The following ZNF70 variants were observed in gnomAD, a reference collection of about 807,000 sequenced individuals.
ZNF70 encodes the protein zinc finger protein 70.
Under a neutral mutation model 37.7 loss-of-function variants are expected in ZNF70, and 18 were observed. That is an observed-to-expected ratio of 0.48 (90% CI 0.33 to 0.71). The LOEUF (loss-of-function observed/expected upper bound fraction) is 0.71. ZNF70 is among the 30% of genes least tolerant of loss of function. The pLI, the probability that ZNF70 is intolerant of heterozygous loss-of-function variation, is 0.02. For missense variants in ZNF70, 506 were observed against 568.6 expected (o/e 0.89, Z 1.12); for synonymous variants, 219 against 220.1 (o/e 0.99, Z 0.05).
intron 1 of ZNF70, among the ~76,000 whole-genome samples, chr22:23,746,809 C>A (rs1925139783): frequency 1.3e-5 from 2 of 152,004 alleles, no homozygotes; most frequent in South Asian, 2.1e-4. Flanking sequence ...CCAGGCTGGT[C>A]CCCCCAACAC....
At chr22:23,747,224 G>A (rs995944416) in intron 1 of ZNF70, among the ~76,000 whole-genome samples, 2 of 152,222 alleles carry the variant, frequency 1.3e-5, no homozygotes, top group African/African-American at 4.8e-5. Context: ...TCTGTGGCCT[G>A]TTAGGAACCA....
At position 23,745,040 on chromosome 22, in the gene ZNF70, G is replaced by A; in HGVS notation, c.101C>T (p.Pro34Leu). The change falls in exon 2 of 2, where the codon CCT becomes CTT. Residue 34 changes from proline to leucine, a missense_variant. Transcript: ENST00000341976. ...GLFPGEDLGD[P>L]FLQERGLEQM... ...CTCCAAACCTCTTTCCTGAAGAAAA[G>A]GGTCCCCCAGGTCCTCCCCTGGGAA... The A allele has an allele frequency of 1.2e-6, 2 of 1,614,162 alleles. No individual in the cohort carries two copies. Among genetic ancestry groups the A allele is most frequent in the South Asian group, 1.1e-5 (1 of 91,076 alleles).
chr22:23,750,779 G>C lies in ZNF70; in HGVS notation c.-148C>G, dbSNP rs1228923801. Reference sequence around the variant, plus strand: ...ATCCTCCAGAGAGTCCCTAGGGCCTGGGCACCCTGCAAACTCTTAGTGCAG... The same window carrying C: ...ATCCTCCAGAGAGTCCCTAGGGCCTCGGCACCCTGCAAACTCTTAGTGCAG... On this transcript the variant is annotated 5_prime_UTR_variant, in exon 1 of 2. Coordinates refer to ENST00000341976, the MANE Select transcript of ZNF70 (RefSeq NM_021916.4). The C allele has an allele frequency of 6.6e-6, 1 of 152,366 alleles. No homozygotes were observed. The highest frequency in any genetic ancestry group is 2.4e-5 in the African/African-American group (1 of 41,482). 9.4% of individuals were successfully genotyped at this position (152,366 alleles called of 1,614,324 possible).
At position 23,740,244 on chromosome 22, in the gene ZNF70, A is replaced by G. The variant is rs1291833759; in HGVS notation, c.*3556T>C. The G allele has an allele frequency of 6.6e-6, 1 of 151,608 alleles. No homozygotes were observed. The highest frequency in any genetic ancestry group is 1.5e-5 in the Non-Finnish European group (1 of 67,958). The allele number at this position is 151,608 out of a possible 1,614,324, so 9.4% of individuals were successfully genotyped here. On this transcript the variant is annotated 3_prime_UTR_variant, in exon 2 of 2. Coordinates refer to ENST00000341976, the MANE Select transcript of ZNF70 (RefSeq NM_021916.4). ...AGAATGGTCTGAACCTGGGAGGTAG[A>G]GCTTGCAGTAAGCCGAGATCGCCCC...
chr22:23,745,660 A>C (rs1925096095), intron 1 of ZNF70, among the ~76,000 whole-genome samples: 1 of 152,110 alleles, frequency 6.6e-6, no homozygotes, highest in South Asian at 2.1e-4. Flanking sequence ...AATCCCAGCT[A>C]CTAGGGAGGC....
At chr22:23,745,697 G>C (rs1020115065) in intron 1 of ZNF70, among the ~76,000 whole-genome samples, 3 of 152,086 alleles carry the variant, frequency 2.0e-5, no homozygotes, top group African/African-American at 7.2e-5. Context: ...CTTGAACCTG[G>C]GAGGCAGAGA....
At position 23,747,038 on chromosome 22, in the gene ZNF70, C is replaced by T. The variant is rs112752139; in HGVS notation, c.-79-1819G>A. On this transcript the variant is annotated intron_variant, in intron 1 of 1. Transcript: ENST00000341976. The stretch of plus-strand genomic sequence containing the variant: ...CTCCTTCATTTCAGAATCCCCAGCC[C>T]CCAGCACAAAAGCACAATCCCAATG... Among the ~76,000 whole-genome samples the T allele has an allele frequency of 2.3e-3, 349 of 152,284 alleles. 1 individual carries two copies. Among genetic ancestry groups the T allele is most frequent in the African/African-American group, 8.1e-3 (336 of 41,576 alleles).
rs186365609 is a variant in ZNF70, at chr22:23,747,187, A to G, written c.-79-1968T>C. Among the ~76,000 whole-genome samples the G allele has an allele frequency of 3.7e-3, 558 of 152,164 alleles. 3 individuals are homozygous for G. Among genetic ancestry groups the G allele is most frequent in the African/African-American group, 0.012 (481 of 41,492 alleles). On this transcript the variant is annotated intron_variant, in intron 1 of 1. Transcript: ENST00000341976. Reference sequence around the variant, plus strand: ...CAACTGTCTAGGACAGGGGTCCCCAACCCCCAGAGTGGGGGACAGGCACCA... The same window carrying G: ...CAACTGTCTAGGACAGGGGTCCCCAGCCCCCAGAGTGGGGGACAGGCACCA...
Position 23,741,478 on chromosome 22 carries a change from A to G in ZNF70, c.*2322T>C, listed in dbSNP as rs975241862. 2.0e-5 allele frequency: 3 copies of G among 152,240 alleles called. No individual in the cohort carries two copies. The highest frequency in any genetic ancestry group is 4.4e-5 in the Non-Finnish European group (3 of 68,060). The allele number at this position is 152,240 out of a possible 1,614,324, so 9.4% of individuals were successfully genotyped here. On this transcript the variant is annotated 3_prime_UTR_variant, in exon 2 of 2. Coordinates refer to ENST00000341976, the MANE Select transcript of ZNF70 (RefSeq NM_021916.4). ...AATGTTTCACATACGTAGCAAAGAC[A>G]GGGGCTGGACAGAGGCATGGCTGGA...
intron 1 of ZNF70, among the ~76,000 whole-genome samples, chr22:23,746,147 T>C (rs1026507385): frequency 1.3e-5 from 2 of 150,538 alleles, no homozygotes; most frequent in Non-Finnish European, 3.0e-5. Context: ...GTGCATGCCC[T>C]ACACTAACAA....
At position 23,740,239 on chromosome 22, in the gene ZNF70, G is replaced by A. The variant is rs1381885135; in HGVS notation, c.*3561C>T. On this transcript the variant is annotated 3_prime_UTR_variant, in exon 2 of 2. Transcript: ENST00000341976. ...GCAGGAGAATGGTCTGAACCTGGGAGGTAGAGCTTGCAGTAAGCCGAGATC... is the reference window on the plus strand; with the variant it reads ...GCAGGAGAATGGTCTGAACCTGGGAAGTAGAGCTTGCAGTAAGCCGAGATC... 6.6e-6 allele frequency: 1 copy of A among 151,608 alleles called. No individual in the cohort carries two copies. Among genetic ancestry groups the A allele is most frequent in the Non-Finnish European group, 1.5e-5 (1 of 67,970 alleles). 9.4% of individuals were successfully genotyped at this position (151,608 alleles called of 1,614,324 possible). A position where few individuals can be genotyped will look rare whatever the true frequency, so the allele number is the denominator to read the frequency against.
rs1925205787 is a variant in ZNF70, at chr22:23,748,445, T to G, written c.-80+2266A>C. Among the ~76,000 whole-genome samples, 4 of 152,146 alleles carry G rather than the reference T, an allele frequency of 2.6e-5. No homozygotes were observed. In the South Asian group the frequency reaches 8.3e-4, roughly 31 times the overall value. On this transcript the variant is annotated intron_variant, in intron 1 of 1. Coordinates refer to ENST00000341976, the MANE Select transcript of ZNF70 (RefSeq NM_021916.4). ...CTGTAGAGATGAGATAATATTATGT[T>G]GCCCAGGCTGGTCTTGAACTCCTGG...
rs754278854 is a variant in ZNF70 at position 23,744,459 on chromosome 22, C to G, written c.682G>C (p.Glu228Gln). 1 of 1,613,494 alleles carries G rather than the reference C, an allele frequency of 6.2e-7. No individual in the cohort carries two copies. The highest frequency in any genetic ancestry group is 1.1e-5 in the South Asian group (1 of 91,040). ...HTGKRPYECR[E>Q]CGKDFSRSSS... is the part of the protein sequence containing the mutation. ...CTCCGGCTGAAATCTTTCCCGCATT[C>G]CCTGCACTCGTAGGGCCTCTTTCCG... is the stretch of plus-strand genomic sequence containing the variant. Residue 228 changes from glutamate (E) to glutamine (Q), a missense_variant, in exon 2 of 2, where the codon GAA becomes CAA. By Grantham distance (29) the Glu-to-Gln change is conservative. Transcript: ENST00000341976.
chr22:23,745,480 G>T (rs187364956), intron 1 of ZNF70, among the ~76,000 whole-genome samples: 2 of 152,244 alleles, frequency 1.3e-5, no homozygotes, highest in East Asian at 3.9e-4. Flanking sequence ...GCTAAAACAG[G>T]AAGTGGGGGC....
intron 1 of ZNF70, among the ~76,000 whole-genome samples, chr22:23,746,341 G>A (rs1014525509): frequency 6.6e-6 from 1 of 150,990 alleles, no homozygotes; most frequent in Non-Finnish European, 1.5e-5. Context: ...CGAGTAGCTG[G>A]GATTACAAGC....
intron 1 of ZNF70, among the ~76,000 whole-genome samples, chr22:23,747,270 G>A (rs1228634311): frequency 6.6e-6 from 1 of 152,172 alleles, no homozygotes; most frequent in African/African-American, 2.4e-5. Context: ...AGGTGAGCGA[G>A]CATTACAGCC....
intron 1 of ZNF70, among the ~76,000 whole-genome samples, chr22:23,750,457 G>T (rs958553338): frequency 2.0e-5 from 3 of 151,390 alleles, no homozygotes; most frequent in African/African-American, 4.9e-5. Flanking sequence ...CCCCACCCTC[G>T]CTTTCTTCCC....
Position 23,739,000 on chromosome 22 carries a change from A to G in ZNF70, c.*4800T>C, listed in dbSNP as rs1010471373. 2.0e-5 allele frequency: 3 copies of G among 152,188 alleles called. No individual in the cohort carries two copies. Among genetic ancestry groups the G allele is most frequent in the African/African-American group, 7.2e-5 (3 of 41,452 alleles). The allele number at this position is 152,188 out of a possible 1,614,324, so 9.4% of individuals were successfully genotyped here. ...TGCAACTCCTAAACCCCTACATGCTAAAGACTCCTAGGCAGGCCATGGACC... is the reference window on the plus strand; with the variant it reads ...TGCAACTCCTAAACCCCTACATGCTGAAGACTCCTAGGCAGGCCATGGACC... On this transcript the variant is annotated 3_prime_UTR_variant, in exon 2 of 2. Coordinates refer to ENST00000341976, the MANE Select transcript of ZNF70 (RefSeq NM_021916.4).
Position 23,744,490 on chromosome 22 carries a change from G to A in ZNF70, c.651C>T (p.Ile217=). 1 of 1,613,966 alleles carries A rather than the reference G, an allele frequency of 6.2e-7. No individual in the cohort carries two copies. Among genetic ancestry groups the A allele is most frequent in the Non-Finnish European group, 8.5e-7 (1 of 1,179,976 alleles). ...QSSALTQHQK[I]HTGKRPYECR... ...ACTCGTAGGGCCTCTTTCCGGTGTG[G>A]ATCTTTTGGTGTTGCGTGAGGGCTG... Residue 217 remains isoleucine (I), a synonymous_variant, in exon 2 of 2, where the codon ATC becomes ATT. Transcript: ENST00000341976.
Sources: gnomAD v4.1 joint callset for allele counts (sites outside exome capture counted in the v4.1 genomes callset) on GRCh38, gnomAD v4.1.1 for gene constraint, MANE v1.5 for transcripts, NCBI Gene and HGNC (gene_info 2026-07-23, HGNC 2026-07-21) for gene names.